Variants in CFAP61 observed in about 807,000 individuals in gnomAD.
CFAP61 encodes cilia- and flagella-associated protein 61.
CFAP61 carries 107 observed loss-of-function variants against 135.6 expected under a neutral mutation model. The observed-to-expected ratio is 0.79, with a 90% CI of 0.67 to 0.93. The LOEUF is 0.93. Ranked by LOEUF, CFAP61 falls within the 40% of genes least tolerant of loss-of-function variation. CFAP61 has a pLI of 0.00. For synonymous variants in CFAP61, 575 were observed against 578.5 expected, an observed-to-expected ratio of 0.99 and a Z score of 0.09; for missense variants, 1,507 against 1,556.2, an observed-to-expected ratio of 0.97 and a Z score of 0.53.
At chr20:20,144,993 G>T (rs2051753489) in intron 9 of CFAP61, among the ~76,000 whole-genome samples, 1 of 152,228 alleles carries the variant, frequency 6.6e-6, no homozygotes, top group African/African-American at 2.4e-5. Flanking sequence ...AGGTGGAAAG[G>T]TGCATCACCA....
At chr20:20,345,883 C>CTTT (rs756813997) in intron 26 of CFAP61, among the ~76,000 whole-genome samples, 2,986 of 50,508 alleles carry the variant, frequency 0.059, 705 homozygotes, top group East Asian at 0.093. Context: ...GATTGTGCCA[C>CTTT]TTTTTTTTTT....
chr20:20,290,037 A>G (rs1455946878), intron 23 of CFAP61, among the ~76,000 whole-genome samples: 1 of 152,234 alleles, frequency 6.6e-6, no homozygotes, highest in Non-Finnish European at 1.5e-5. Flanking sequence ...GCTCCGGATA[A>G]TCACAGGATA....
At position 20,151,593 on chromosome 20, in the gene CFAP61, G is replaced by A. The variant is rs146736936; in HGVS notation, c.952-7777G>A. Reference sequence around the variant, plus strand: ...TGTAATCCCAGCACTTTGGGAGGCCGAGGTGAGCGGATCACGAGGTCAGGA... The same window carrying A: ...TGTAATCCCAGCACTTTGGGAGGCCAAGGTGAGCGGATCACGAGGTCAGGA... On this transcript the variant is annotated intron_variant, in intron 9 of 26. Transcript: ENST00000245957. 4.6e-3 allele frequency among the ~76,000 whole-genome samples: 702 copies of A among 152,036 alleles called. 7 individuals carry two copies. The highest frequency in any genetic ancestry group is 0.016 in the African/African-American group (669 of 41,484).
chr20:20,052,537 G>C lies in CFAP61; in HGVS notation c.-91G>C. ...GCACCGTTTCCATGGTGACCAGGCTGCGCGTCCTCCTTGCGGCAGCGCGTG... is the reference window on the plus strand; with the variant it reads ...GCACCGTTTCCATGGTGACCAGGCTCCGCGTCCTCCTTGCGGCAGCGCGTG... On this transcript the variant is annotated 5_prime_UTR_variant, in exon 1 of 27. Transcript: ENST00000245957. 6.2e-7 allele frequency: 1 copy of C among 1,614,230 alleles called. No individual in the cohort carries two copies. The highest frequency in any genetic ancestry group is 1.1e-5 in the South Asian group (1 of 91,090).
At position 20,214,195 on chromosome 20, in the gene CFAP61, C is replaced by T. The variant is rs1373918830; in HGVS notation, c.1933-14054C>T. On this transcript the variant is annotated intron_variant, in intron 17 of 26. Coordinates refer to ENST00000245957, the MANE Select transcript of CFAP61 (RefSeq NM_015585.4). ...GCTGTTTGAGAAAAATTCCCATACT[C>T]GGTGCTTTTGTTTTGATATCCAGGC... is the stretch of plus-strand genomic sequence containing the variant. The T allele has an allele frequency of 2.0e-5, 3 of 152,162 alleles. 1 individual carries two copies. The highest frequency in any genetic ancestry group is 4.1e-4 in the South Asian group (2 of 4,826). The allele number at this position is 152,162 out of a possible 1,614,324, so 9.4% of individuals were successfully genotyped here.
intron 17 of CFAP61, chr20:20,201,027 A>G: frequency 7.8e-6 from 7 of 897,430 alleles, no homozygotes; most frequent in Non-Finnish European, 9.3e-6. Context: ...GAGACTGTTC[A>G]TATAAAGCAG....
intron 6 of CFAP61, among the ~76,000 whole-genome samples, chr20:20,089,010 A>C (rs927332193): frequency 6.6e-6 from 1 of 152,158 alleles, no homozygotes; most frequent in African/African-American, 2.4e-5. Flanking sequence ...TGGCAGGATC[A>C]GGGGATTCGT....
chr20:20,319,510 G>A (rs1053228175), intron 25 of CFAP61, among the ~76,000 whole-genome samples: 1 of 152,142 alleles, frequency 6.6e-6, no homozygotes, highest in African/African-American at 2.4e-5. Flanking sequence ...CATGAGATGT[G>A]GTTGTTTAAA....
chr20:20,083,611 G>A (rs2046585431), intron 6 of CFAP61, among the ~76,000 whole-genome samples: 1 of 152,182 alleles, frequency 6.6e-6, no homozygotes, highest in East Asian at 1.9e-4. Context: ...ATAGTCCCAT[G>A]TCATGCTTTT....
chr20:20,105,409 C>A (rs2048315218), intron 8 of CFAP61, among the ~76,000 whole-genome samples: 1 of 152,028 alleles, frequency 6.6e-6, no homozygotes, highest in African/African-American at 2.4e-5. Flanking sequence ...GCAGTTGCCA[C>A]CAAATTTGCC....
At chr20:20,297,138 C>A (rs912232931) in intron 24 of CFAP61, among the ~76,000 whole-genome samples, 10 of 152,128 alleles carry the variant, frequency 6.6e-5, no homozygotes, top group African/African-American at 2.2e-4. Flanking sequence ...TGAGTCCCCC[C>A]AGAGGGCTTT....
chr20:20,324,138 A>G (rs1366761548), intron 25 of CFAP61, among the ~76,000 whole-genome samples: 2 of 152,124 alleles, frequency 1.3e-5, no homozygotes, highest in African/African-American at 4.8e-5. Context: ...ATGTATTTTT[A>G]TTGAACAATA....
intron 8 of CFAP61, among the ~76,000 whole-genome samples, chr20:20,114,746 G>A (rs1600725734): frequency 6.6e-6 from 1 of 151,898 alleles, no homozygotes; most frequent in African/African-American, 2.4e-5. Flanking sequence ...ATTTAAATTT[G>A]TTTATCTACT....
chr20:20,294,287 G>C (rs938217477), intron 24 of CFAP61, among the ~76,000 whole-genome samples: 4 of 152,198 alleles, frequency 2.6e-5, no homozygotes, highest in Admixed American at 1.3e-4. Context: ...ATCCTGTTCT[G>C]TCAGCGACTG....
intron 13 of CFAP61, chr20:20,172,405 C>T (rs1163283111): frequency 1.3e-4 from 54 of 428,322 alleles, no homozygotes; most frequent in Non-Finnish European, 1.7e-4. Flanking sequence ...GAGCCTCAAC[C>T]TCCCAAGCTC....
In CFAP61 at chr20:20,208,941, G is replaced by C. The variant is rs182071768; in HGVS notation, c.1932+9039G>C. Reference sequence around the variant, plus strand: ...CCCCTCCATCTGTCCTCTTTGGGGTGGGGGGGCATGGGACTCACAGCACGT... The same window carrying C: ...CCCCTCCATCTGTCCTCTTTGGGGTCGGGGGGCATGGGACTCACAGCACGT... On this transcript the variant is annotated intron_variant, in intron 17 of 26. Transcript: ENST00000245957. Among the ~76,000 whole-genome samples the C allele has an allele frequency of 2.8e-4, 42 of 152,144 alleles. No homozygotes were observed. The East Asian group carries it at 7.5e-3, about 27-fold the overall frequency.
rs1465596537 is a variant in CFAP61 at position 20,090,835 on chromosome 20, A to G, written c.567-9A>G. On this transcript the variant is annotated splice_polypyrimidine_tract_variant and intron_variant, in intron 6 of 26. Coordinates refer to ENST00000245957, the MANE Select transcript of CFAP61 (RefSeq NM_015585.4). Reference sequence around the variant, plus strand: ...ACGAACACTGAACTTCAGCCTTTCTATTAAACAGGGTGGAAGACCATGACG... The same window carrying G: ...ACGAACACTGAACTTCAGCCTTTCTGTTAAACAGGGTGGAAGACCATGACG... 3.7e-6 allele frequency: 6 copies of G among 1,613,796 alleles called. No homozygotes were observed. Among genetic ancestry groups the G allele is most frequent in the African/African-American group, 2.7e-5 (2 of 74,910 alleles).
chr20:20,242,387 A>G lies in CFAP61; in HGVS notation c.2061-3730A>G, dbSNP rs550809593. Reference sequence around the variant, plus strand: ...GTGGATTTGCAGCAAGAGCATCTTAAATCCTGATGGGCAAACACGGAGTGA... The same window carrying G: ...GTGGATTTGCAGCAAGAGCATCTTAGATCCTGATGGGCAAACACGGAGTGA... On this transcript the variant is annotated intron_variant, in intron 18 of 26. Coordinates refer to ENST00000245957, the MANE Select transcript of CFAP61 (RefSeq NM_015585.4). Among the ~76,000 whole-genome samples the G allele has an allele frequency of 1.5e-3, 229 of 152,356 alleles. 1 individual carries two copies. Among genetic ancestry groups the G allele is most frequent in the Non-Finnish European group, 2.6e-3 (176 of 68,036 alleles).
intron 2 of CFAP61, among the ~76,000 whole-genome samples, chr20:20,065,924 G>A (rs1243320906): frequency 6.6e-6 from 1 of 152,114 alleles, no homozygotes; most frequent in Admixed American, 6.5e-5. Context: ...CAGAAAAAGC[G>A]AGTGCTGTTT....
Sources: gnomAD v4.1 joint callset for allele counts (sites outside exome capture counted in the v4.1 genomes callset) on GRCh38, gnomAD v4.1.1 for gene constraint, MANE v1.5 for transcripts, NCBI Gene and HGNC (gene_info 2026-07-23, HGNC 2026-07-21) for gene names.